The following PCDHA4 variants were observed in gnomAD, a reference collection of about 807,000 sequenced individuals.
PCDHA4 encodes the protein protocadherin alpha 4.
Under a neutral mutation model 61.4 loss-of-function variants are expected in PCDHA4, and 49 were observed. The observed-to-expected ratio is 0.80, with a 90% confidence interval of 0.63 to 1.01. The LOEUF (loss-of-function observed/expected upper bound fraction) is 1.01. Among genes scored for constraint, PCDHA4 ranks in the 50% least tolerant of loss-of-function variants. The pLI, the probability that PCDHA4 is intolerant of heterozygous loss-of-function variation, is 0.00. For missense variants in PCDHA4, 1,254 were observed against 1,235.8 expected (o/e 1.01, Z -0.22); for synonymous variants, 590 against 550.3 (o/e 1.07, Z -1.01).
chr5:140,870,614 C>T, intron 1 of PCDHA4: 2 of 1,613,212 alleles, frequency 1.2e-6, no homozygotes, highest in Non-Finnish European at 1.7e-6. Context: ...CGCGCGCTGT[C>T]GAGCTACGTG....
chr5:140,856,572 A>C (rs782165615), intron 1 of PCDHA4: 1 of 1,597,762 alleles, frequency 6.3e-7, no homozygotes, highest in East Asian at 2.2e-5. Flanking sequence ...AGTCCAAATG[A>C]GTATTTTGTT....
chr5:140,906,702 T>C (rs1315678574), intron 1 of PCDHA4, among the ~76,000 whole-genome samples: 2 of 152,232 alleles, frequency 1.3e-5, no homozygotes, highest in African/African-American at 2.4e-5. Context: ...GGGCCATTTG[T>C]AGTCCTGCCT....
intron 1 of PCDHA4, among the ~76,000 whole-genome samples, chr5:140,935,116 C>T (rs2090194943): frequency 6.6e-6 from 1 of 152,126 alleles, no homozygotes; most frequent in Non-Finnish European, 1.5e-5. Flanking sequence ...AGAGCTTTCA[C>T]TTATTTTTAG....
intron 1 of PCDHA4, among the ~76,000 whole-genome samples, chr5:140,933,130 A>G (rs2088870055): frequency 6.6e-6 from 1 of 151,994 alleles, no homozygotes; most frequent in Non-Finnish European, 1.5e-5. Context: ...CTAAATAATA[A>G]AGGTAGATAG....
intron 1 of PCDHA4, among the ~76,000 whole-genome samples, chr5:140,900,374 T>TCAAGAA (rs1554189115): frequency 1.3e-5 from 2 of 151,622 alleles, no homozygotes; most frequent in Non-Finnish European, 2.9e-5. Flanking sequence ...GCCTCCTGGG[T>TCAAGAA]TCAAGCGATT....
At chr5:140,833,974 G>C (rs2150212572) in intron 1 of PCDHA4, among the ~76,000 whole-genome samples, 27 of 152,106 alleles carry the variant, frequency 1.8e-4, no homozygotes, top group Non-Finnish European at 3.5e-4. Context: ...TGAAAAAAAA[G>C]TTTTTCTAAG....
intron 1 of PCDHA4, chr5:140,968,431 G>T: frequency 6.2e-7 from 1 of 1,613,980 alleles, no homozygotes; most frequent in South Asian, 1.1e-5. Flanking sequence ...AGGACAAGGG[G>T]AGCCCACCAC....
chr5:140,852,025 G>T, intron 1 of PCDHA4: 1 of 947,208 alleles, frequency 1.1e-6, no homozygotes. Flanking sequence ...TAAAAACTTC[G>T]CTTATTGAGT....
chr5:140,834,777 G>A (rs2150226372), intron 1 of PCDHA4: 1 of 1,613,920 alleles, frequency 6.2e-7, no homozygotes, highest in Admixed American at 1.7e-5. Flanking sequence ...CAACCCTCCG[G>A]TGTTCCCAGC....
intron 1 of PCDHA4, chr5:140,836,533 T>C (rs1554136046): frequency 1.2e-6 from 2 of 1,613,852 alleles, no homozygotes; most frequent in South Asian, 1.1e-5. Flanking sequence ...ACCCTGCTGC[T>C]GTACACGGCG....
intron 1 of PCDHA4, among the ~76,000 whole-genome samples, chr5:140,932,779 G>T (rs556279743): frequency 3.9e-5 from 6 of 151,910 alleles, no homozygotes; most frequent in Non-Finnish European, 8.9e-5. Context: ...TAATTTGAGT[G>T]GACATAAGAG....
intron 1 of PCDHA4, chr5:140,928,095 G>T (rs782045221): frequency 1.9e-6 from 3 of 1,614,190 alleles, no homozygotes; most frequent in Non-Finnish European, 1.7e-6. Flanking sequence ...TGATTGATGG[G>T]CCCCTGGACC....
At chr5:140,827,423 T>G (rs1417944566) in intron 1 of PCDHA4, among the ~76,000 whole-genome samples, 1 of 152,238 alleles carries the variant, frequency 6.6e-6, no homozygotes, top group African/African-American at 2.4e-5. Context: ...CTCTAGAATT[T>G]TATCTTCCAT....
rs1554143112 is a variant in PCDHA4 at position 140,849,624 on chromosome 5, C to G, written c.2385+40052C>G. ...TATTGCCCTGATTAGTGTGATCGAC[C>G]TAGACGCAGATGCCAACGGGCAGGT... is the stretch of plus-strand genomic sequence containing the variant. On this transcript the variant is annotated intron_variant, in intron 1 of 3. Transcript: ENST00000530339. 3.1e-6 allele frequency: 5 copies of G among 1,598,656 alleles called. No individual in the cohort carries two copies. The African/African-American group carries it at 6.7e-5, about 21-fold the overall frequency.
At chr5:140,839,346 C>T (rs1354845524) in intron 1 of PCDHA4, among the ~76,000 whole-genome samples, 1 of 149,510 alleles carries the variant, frequency 6.7e-6, no homozygotes, top group African/African-American at 2.5e-5. Flanking sequence ...ATAGGGGATC[C>T]TCCTTAGCCA....
At chr5:140,911,909 C>G (rs113000456) in intron 1 of PCDHA4, among the ~76,000 whole-genome samples, 17,713 of 152,106 alleles carry the variant, frequency 0.12, 1,155 homozygotes, top group Middle Eastern at 0.19. Flanking sequence ...TCAGAGCTCT[C>G]TAGAGGACAG....
At position 140,856,702 on chromosome 5, in the gene PCDHA4, A is replaced by G. The variant is rs782234318; in HGVS notation, c.2385+47130A>G. The stretch of plus-strand genomic sequence containing the variant: ...TGTTGACAGCAACTGATGGAGGCAA[A>G]CCTGAATTTACCGGATCTGTTTCTC... On this transcript the variant is annotated intron_variant, in intron 1 of 3. Transcript: ENST00000530339. The G allele has an allele frequency of 1.7e-5, 27 of 1,596,504 alleles. 5 individuals are homozygous for G. Among genetic ancestry groups the G allele is most frequent in the Middle Eastern group, 3.3e-4 (2 of 6,020 alleles).
chr5:140,913,659 A>T (rs1414002446), intron 1 of PCDHA4, among the ~76,000 whole-genome samples: 2 of 152,044 alleles, frequency 1.3e-5, no homozygotes, highest in Non-Finnish European at 2.9e-5. Flanking sequence ...TTTAAGATGT[A>T]TAGTTAGGTT....
chr5:140,820,913 T>C lies in PCDHA4; in HGVS notation c.2385+11341T>C, dbSNP rs2150108293. 2.0e-4 allele frequency among the ~76,000 whole-genome samples: 31 copies of C among 152,248 alleles called. No homozygotes were observed. The East Asian group carries it at 3.3e-3, about 16-fold the overall frequency. On this transcript the variant is annotated intron_variant, in intron 1 of 3. Transcript: ENST00000530339. Reference sequence around the variant, plus strand: ...ACGATTTACCAAAGTCGTTCTATTATGCTTTTGATTTCTAGAAAGCTGAAA... The same window carrying C: ...ACGATTTACCAAAGTCGTTCTATTACGCTTTTGATTTCTAGAAAGCTGAAA...
Sources: gnomAD v4.1 joint callset for allele counts (sites outside exome capture counted in the v4.1 genomes callset) on GRCh38, gnomAD v4.1.1 for gene constraint, MANE v1.5 for transcripts, NCBI Gene and HGNC (gene_info 2026-07-23, HGNC 2026-07-21) for gene names.